KTN1: variants seen among roughly 807,000 people sequenced by gnomAD.
KTN1 encodes kinectin.
A neutral mutation model predicts 222.5 loss-of-function variants in KTN1; 130 were observed. That is an observed-to-expected ratio of 0.58 (90% CI 0.51 to 0.68). The LOEUF (loss-of-function observed/expected upper bound fraction) is 0.68, where lower values mean the gene tolerates loss of function less well. Ranked by LOEUF, KTN1 falls within the 30% of genes least tolerant of loss-of-function variation. The probability of loss-of-function intolerance (pLI) is 0.00; values close to 1 mark genes in which losing one functional copy is unlikely to be tolerated. For synonymous variants in KTN1, 512 were observed against 496.3 expected (o/e 1.03, Z -0.42); for missense variants, 1,508 against 1,500.4 (o/e 1.01, Z -0.08).
In KTN1 at chr14:55,612,538, A is replaced by C; in HGVS notation, c.490A>C (p.Lys164Gln). 1 of 1,597,928 alleles carries C rather than the reference A, an allele frequency of 6.3e-7. No individual in the cohort carries two copies. Among genetic ancestry groups the C allele is most frequent in the Non-Finnish European group, 8.5e-7 (1 of 1,175,896 alleles). The change falls in exon 2 of 44, where the codon AAA becomes CAA. Residue 164 changes from lysine to glutamine, a missense_variant. Lys to Gln is a moderately conservative substitution (Grantham distance 53). Coordinates refer to ENST00000395314, the MANE Select transcript of KTN1 (RefSeq NM_001079521.2). ...CTCTGAAGCAGCTGCCTCGAAGAAG[A>C]AACCAGGGCAGAAGAAGTCTAAAAA... ...PPSEAAASKK[K>Q]PGQKKSKNGS...
intron 1 of KTN1, among the ~76,000 whole-genome samples, chr14:55,605,049 T>C (rs1177108642): frequency 1.3e-5 from 2 of 152,210 alleles, no homozygotes; most frequent in Non-Finnish European, 2.9e-5. Flanking sequence ...ATATTCTTAA[T>C]CTTGTCAAGG....
In KTN1 at chr14:55,616,632, A is replaced by G; in HGVS notation, c.639A>G (p.Ser213=). 6.3e-7 allele frequency: 1 copy of G among 1,594,282 alleles called. No individual in the cohort carries two copies. Among genetic ancestry groups the G allele is most frequent in the Non-Finnish European group, 8.5e-7 (1 of 1,175,252 alleles). Residue 213 remains serine (S), a synonymous_variant, in exon 3 of 44, where the codon TCA becomes TCG. Transcript: ENST00000395314. ...ESGSGKKKAS[S]KKQKTENVFV... is the part of the protein sequence containing the mutation. ...GATCAGGGAAGAAGAAAGCTTCATC[A>G]AAGAAACAAAAGACAGAAAATGGTG...
Position 55,617,163 on chromosome 14 carries a change from A to T in KTN1, c.661+509A>T, listed in dbSNP as rs1357776395. 2.0e-5 allele frequency among the ~76,000 whole-genome samples: 3 copies of T among 152,234 alleles called. No individual in the cohort carries two copies. The East Asian group carries it at 5.8e-4, about 29-fold the overall frequency. ...GCTGTGAAATTTGTGAAGACTAAAC[A>T]ACTTAAAATTATGACATATCAATTA... On this transcript the variant is annotated intron_variant, in intron 3 of 43. Transcript: ENST00000395314.
chr14:55,681,902 AT>A (rs565338872), intron 43 of KTN1: 3 of 152,020 alleles, frequency 2.0e-5, no homozygotes, highest in Non-Finnish European at 4.4e-5. Flanking sequence ...CTTAGCTATC[AT>A]TTTTGCTACA....
At chr14:55,606,653 A>G (rs1033138203) in intron 1 of KTN1, among the ~76,000 whole-genome samples, 1 of 152,156 alleles carries the variant, frequency 6.6e-6, no homozygotes, top group Non-Finnish European at 1.5e-5. Flanking sequence ...ATACTTATCA[A>G]ACTGCCTCAG....
At chr14:55,633,102 A>G (rs2040719884) in intron 7 of KTN1, 133 bp from the exon 8 acceptor site, 3 of 470,234 alleles carry the variant, frequency 6.4e-6, no homozygotes, top group African/African-American at 2.0e-5. Flanking sequence ...ATTTGTTTAT[A>G]TTTATTTGAG....
intron 34 of KTN1, 111 bp downstream of exon 34, chr14:55,667,441 C>T: frequency 3.6e-6 from 2 of 555,374 alleles, no homozygotes; most frequent in South Asian, 5.6e-5. Context: ...ATTTCTTGAT[C>T]TTTCCTATTG....
chr14:55,614,825 G>C (rs2038115983), intron 2 of KTN1, among the ~76,000 whole-genome samples: 1 of 152,192 alleles, frequency 6.6e-6, no homozygotes, highest in Non-Finnish European at 1.5e-5. Context: ...GTGCTTGGCA[G>C]ATGGTTGGTA....
At chr14:55,633,832 G>C (rs1194645502) in intron 8 of KTN1, among the ~76,000 whole-genome samples, 1 of 151,986 alleles carries the variant, frequency 6.6e-6, no homozygotes, top group Non-Finnish European at 1.5e-5. Flanking sequence ...TAGAGCCCAG[G>C]AGTCTACATA....
At chr14:55,604,035 C>G (rs1435162394) in intron 1 of KTN1, among the ~76,000 whole-genome samples, 1 of 152,196 alleles carries the variant, frequency 6.6e-6, no homozygotes, top group Non-Finnish European at 1.5e-5. Flanking sequence ...CCTGATTTCA[C>G]TTTCTCCCTA....
At chr14:55,603,412 T>C (rs956977403) in intron 1 of KTN1, among the ~76,000 whole-genome samples, 1 of 152,214 alleles carries the variant, frequency 6.6e-6, no homozygotes, top group Non-Finnish European at 1.5e-5. Context: ...TGTTGCTAAA[T>C]TCAGAAGTCA....
chr14:55,672,819 G>C, intron 38 of KTN1, 110 bp from the exon 39 acceptor site: 2 of 1,063,510 alleles, frequency 1.9e-6, no homozygotes, highest in Non-Finnish European at 2.9e-6. Flanking sequence ...CTTGGGTAGT[G>C]TTTGAGTTGA....
intron 29 of KTN1, among the ~76,000 whole-genome samples, chr14:55,656,655 T>G (rs966544429): frequency 1.3e-5 from 2 of 151,852 alleles, no homozygotes; most frequent in Non-Finnish European, 2.9e-5. Context: ...TTAGTAGAGA[T>G]GGGGTTTCAG....
At chr14:55,602,409 A>G (rs76055105) in intron 1 of KTN1, among the ~76,000 whole-genome samples, 11,687 of 152,246 alleles carry the variant, frequency 0.077, 499 homozygotes, top group South Asian at 0.12. Context: ...TAGATACTAT[A>G]TACTTCCTTT....
At chr14:55,629,215 G>A (rs181917905) in intron 6 of KTN1, among the ~76,000 whole-genome samples, 7 of 152,182 alleles carry the variant, frequency 4.6e-5, no homozygotes, top group Admixed American at 2.0e-4. Flanking sequence ...AGGAGATCGA[G>A]ACCATCTTGG....
At chr14:55,599,168 A>C (rs574674843) in intron 1 of KTN1, among the ~76,000 whole-genome samples, 1 of 151,870 alleles carries the variant, frequency 6.6e-6, no homozygotes, top group East Asian at 1.9e-4. Flanking sequence ...TTCAAGTTCT[A>C]ATTTTTCTGT....
chr14:55,584,978 TAA>T (rs1432148031), intron 1 of KTN1, among the ~76,000 whole-genome samples: 1 of 151,450 alleles, frequency 6.6e-6, no homozygotes, highest in Non-Finnish European at 1.5e-5. Flanking sequence ...AAAAAGAATA[TAA>T]AAATAGCCAG....
chr14:55,646,729 G>T (rs1475720432), intron 18 of KTN1, among the ~76,000 whole-genome samples: 2 of 151,586 alleles, frequency 1.3e-5, no homozygotes, highest in Non-Finnish European at 2.9e-5. Flanking sequence ...TTTTTCATAA[G>T]ATACTAATTC....
intron 43 of KTN1, chr14:55,682,686 C>A (rs890332215): frequency 2.0e-5 from 3 of 152,108 alleles, no homozygotes; most frequent in Non-Finnish European, 2.9e-5. Flanking sequence ...CAAAGAGATT[C>A]TATAACTTGT....
Sources: gnomAD v4.1 joint callset for allele counts (sites outside exome capture counted in the v4.1 genomes callset) on GRCh38, gnomAD v4.1.1 for gene constraint, MANE v1.5 for transcripts, NCBI Gene and HGNC (gene_info 2026-07-23, HGNC 2026-07-21) for gene names.